PATJ: variants seen among roughly 807,000 people sequenced by gnomAD.
The protein encoded by PATJ is inaD-like protein.
A neutral mutation model predicts 224.9 loss-of-function variants in PATJ; 190 were observed. The observed-to-expected ratio is 0.84, with a 90% confidence interval of 0.75 to 0.95. PATJ has a LOEUF of 0.95. Ranked by LOEUF, PATJ falls within the 40% of genes least tolerant of loss-of-function variation. The probability of loss-of-function intolerance (pLI) is 0.00; values close to 1 mark genes in which losing one functional copy is unlikely to be tolerated. For synonymous variants in PATJ, 769 were observed against 820.3 expected (o/e 0.94, Z 1.07); for missense variants, 2,121 against 2,270.3 (o/e 0.93, Z 1.34).
At chr1:61,877,851 C>T (rs1171042350) in intron 21 of PATJ, among the ~76,000 whole-genome samples, 1 of 152,208 alleles carries the variant, frequency 6.6e-6, no homozygotes, top group African/African-American at 2.4e-5. Flanking sequence ...TTTCTAACCT[C>T]TGTACCCCTG....
At chr1:61,891,810 G>A (rs1450855953) in intron 22 of PATJ, among the ~76,000 whole-genome samples, 1 of 152,110 alleles carries the variant, frequency 6.6e-6, no homozygotes, top group African/African-American at 2.4e-5. Flanking sequence ...AGCCTACTAA[G>A]ATATGTATAC....
chr1:61,880,757 T>A (rs923424078), intron 21 of PATJ, among the ~76,000 whole-genome samples: 2 of 152,224 alleles, frequency 1.3e-5, no homozygotes, highest in Non-Finnish European at 2.9e-5. Context: ...ATTTTAAATA[T>A]TTTTTCTTCC....
chr1:61,769,744 C>T (rs752845343), intron 5 of PATJ, among the ~76,000 whole-genome samples: 8 of 152,084 alleles, frequency 5.3e-5, no homozygotes, highest in Admixed American at 2.6e-4. Context: ...AAAGCTAGTG[C>T]GCTATTTCCC....
At chr1:61,976,478 C>G (rs1644138884) in intron 27 of PATJ, among the ~76,000 whole-genome samples, 1 of 152,052 alleles carries the variant, frequency 6.6e-6, no homozygotes, top group Non-Finnish European at 1.5e-5. Flanking sequence ...ACAATCTCGG[C>G]TCACTGCAAC....
intron 31 of PATJ, among the ~76,000 whole-genome samples, chr1:62,068,565 T>C (rs995027677): frequency 6.6e-6 from 1 of 152,212 alleles, no homozygotes; most frequent in African/African-American, 2.4e-5. Context: ...AGAATATTCT[T>C]GTGTGGTTCA....
At chr1:62,144,180 T>C (rs1484224337) in intron 41 of PATJ, among the ~76,000 whole-genome samples, 1 of 152,196 alleles carries the variant, frequency 6.6e-6, no homozygotes, top group Admixed American at 6.5e-5. Context: ...CATGCAGTGG[T>C]ATTTCCAGAA....
At chr1:62,045,615 T>G (rs184708437) in intron 30 of PATJ, among the ~76,000 whole-genome samples, 9 of 152,262 alleles carry the variant, frequency 5.9e-5, no homozygotes, top group East Asian at 1.9e-4. Context: ...GTTGTTCTCC[T>G]TAAGCTGCCT....
chr1:62,158,914 A>T (rs1304963511), intron 43 of PATJ, among the ~76,000 whole-genome samples: 1 of 152,058 alleles, frequency 6.6e-6, no homozygotes, highest in Non-Finnish European at 1.5e-5. Context: ...GCACCATTGC[A>T]CTCCAGCCTG....
In PATJ at chr1:61,777,691, CT is replaced by C. The variant is rs1477635120; in HGVS notation, c.849+2360del. Among the ~76,000 whole-genome samples, 358 of 89,296 alleles carry C rather than the reference CT, an allele frequency of 4.0e-3. 4 individuals carry two copies. The highest frequency in any genetic ancestry group is 0.016 in the African/African-American group (334 of 20,420). 58.6% of individuals were successfully genotyped at this position (89,296 alleles called of 152,430 possible). A position where few individuals can be genotyped will look rare whatever the true frequency, so the allele number is the denominator to read the frequency against. On this transcript the variant is annotated intron_variant, in intron 7 of 43. Transcript: ENST00000642238. ...GGATATTCTATTTTCTTCCTTTTTT[CT>C]TTCTTTCTTTCTTTTTTTTTTTTTT...
chr1:61,997,804 TGTTTTGTTTTGTTTTGTTTTA>T (rs146864869), intron 28 of PATJ, among the ~76,000 whole-genome samples: 9,387 of 131,438 alleles, frequency 0.071, 888 homozygotes, highest in African/African-American at 0.22. Flanking sequence ...TGTTTTGTTT[TGTTTTGTTTTGTTTTGTTTTA>T]AAAAAAAAAA....
intron 20 of PATJ, among the ~76,000 whole-genome samples, chr1:61,871,455 G>GTATATA (rs1491555634): frequency 5.4e-5 from 2 of 36,698 alleles, no homozygotes; most frequent in Non-Finnish European, 1.4e-4. Flanking sequence ...ACATATATAT[G>GTATATA]CGTATATATA....
intron 29 of PATJ, among the ~76,000 whole-genome samples, chr1:62,030,150 T>A (rs1291710346): frequency 6.6e-6 from 1 of 152,190 alleles, no homozygotes; most frequent in Non-Finnish European, 1.5e-5. Flanking sequence ...GCCTTTAGAT[T>A]AAACCATTAG....
chr1:62,144,766 CAAAAAAA>C lies in PATJ; in HGVS notation c.5272-3512_5272-3506del, dbSNP rs546610971. On this transcript the variant is annotated intron_variant, in intron 41 of 43. Transcript: ENST00000642238. ...TCTAAATGCTCTAGAATGTTATTTG[CAAAAAAA>C]AAAAATATATATATATATATATAAT... is the stretch of plus-strand genomic sequence containing the variant. 2.9e-3 allele frequency among the ~76,000 whole-genome samples: 332 copies of C among 116,228 alleles called. 17 individuals are homozygous for C. The highest frequency in any genetic ancestry group is 9.5e-3 in the African/African-American group (275 of 29,002). 76.3% of individuals were successfully genotyped at this position (116,228 alleles called of 152,430 possible).
intron 25 of PATJ, among the ~76,000 whole-genome samples, chr1:61,908,981 C>A (rs1349415150): frequency 6.6e-6 from 1 of 152,048 alleles, no homozygotes; most frequent in Non-Finnish European, 1.5e-5. Context: ...TAAAATTTTT[C>A]TTTTTCTTCT....
intron 28 of PATJ, among the ~76,000 whole-genome samples, chr1:62,014,562 C>CTTTTTTTTTTTTTTTTTT (rs35711547): frequency 4.7e-5 from 4 of 84,516 alleles, no homozygotes; most frequent in Admixed American, 1.7e-4. Flanking sequence ...CTTTTCTTTC[C>CTTTTTTTTTTTTTTTTTT]TTTTTTTTTT....
chr1:61,821,997 A>G (rs577439167), intron 14 of PATJ, among the ~76,000 whole-genome samples: 19 of 152,242 alleles, frequency 1.2e-4, no homozygotes, highest in Non-Finnish European at 2.8e-4. Flanking sequence ...TCACAGACCT[A>G]GAATGGATAA....
chr1:61,861,561 A>G lies in PATJ; in HGVS notation c.2333A>G (p.Glu778Gly), dbSNP rs752453419. ...GGTTTATATTTTCAGGAAGATAATG[A>G]AGAAGAAAGTTGTTATATTTTACAT... Reference protein sequence around the residue: ...GICKPLVEDNEEESCYILHSS... With the variant: ...GICKPLVEDNGEESCYILHSS... The change falls in exon 19 of 44, where the codon GAA becomes GGA. Residue 778 changes from glutamate to glycine, a missense_variant. Coordinates refer to ENST00000642238, the MANE Select transcript of PATJ (RefSeq NM_001350145.3). The G allele has an allele frequency of 8.8e-6, 12 of 1,358,028 alleles. No individual in the cohort carries two copies. Among genetic ancestry groups the G allele is most frequent in the Non-Finnish European group, 1.2e-5 (12 of 989,252 alleles). The allele number at this position is 1,358,028 out of a possible 1,614,324, so 84.1% of individuals were successfully genotyped here. A position where few individuals can be genotyped will look rare whatever the true frequency, so the allele number is the denominator to read the frequency against.
chr1:62,066,285 T>C (rs912538195), intron 31 of PATJ, among the ~76,000 whole-genome samples: 2 of 152,192 alleles, frequency 1.3e-5, no homozygotes, highest in Non-Finnish European at 2.9e-5. Context: ...ACTGAGACAC[T>C]CAACTAATAA....
At chr1:61,954,845 C>T (rs1169471415) in intron 27 of PATJ, among the ~76,000 whole-genome samples, 2 of 151,648 alleles carry the variant, frequency 1.3e-5, no homozygotes, top group African/African-American at 4.8e-5. Context: ...ACTTCTCCTC[C>T]CGGGTTCACA....
Sources: allele counts gnomAD v4.1 joint callset (sites outside exome capture counted in the v4.1 genomes callset), GRCh38; gene constraint gnomAD v4.1.1; transcripts MANE v1.5; gene names NCBI Gene and HGNC (gene_info 2026-07-23, HGNC 2026-07-21).